The following BCL2L13 variants were observed in gnomAD, a reference collection of about 807,000 sequenced individuals.
BCL2L13 encodes the protein BCL2 like 13.
In BCL2L13, 13 loss-of-function variants were observed where a neutral mutation model predicts 25.8. That is an observed-to-expected ratio of 0.50 (90% CI 0.33 to 0.80). BCL2L13 has a LOEUF of 0.80. Ranked by LOEUF, BCL2L13 falls within the 30% of genes least tolerant of loss-of-function variation. The pLI is 0.02. For synonymous variants in BCL2L13, 244 were observed against 230.3 expected, an observed-to-expected ratio of 1.06 and a Z score of -0.54; for missense variants, 504 against 574.9, an observed-to-expected ratio of 0.88 and a Z score of 1.26.
upstream of BCL2L13, among the ~76,000 whole-genome samples, chr22:17,636,994 C>T (rs951033752): frequency 2.0e-5 from 3 of 152,114 alleles, no homozygotes; most frequent in African/African-American, 7.2e-5. Flanking sequence ...AAATTAGGGC[C>T]GGGCGCGGTG....
At chr22:17,665,183 T>C (rs1409170820) in intron 2 of BCL2L13, among the ~76,000 whole-genome samples, 1 of 152,174 alleles carries the variant, frequency 6.6e-6, no homozygotes, top group African/African-American at 2.4e-5. Flanking sequence ...ATCATCTGTC[T>C]CAGGTTTAAA....
At chr22:17,698,468 C>A (rs1188772173) in intron 5 of BCL2L13, among the ~76,000 whole-genome samples, 1 of 150,314 alleles carries the variant, frequency 6.7e-6, no homozygotes, top group Non-Finnish European at 1.5e-5. Flanking sequence ...CACCTGTAAT[C>A]CCAGCACTTT....
intron 5 of BCL2L13, among the ~76,000 whole-genome samples, chr22:17,699,763 A>G (rs1218663828): frequency 6.6e-6 from 1 of 152,168 alleles, no homozygotes; most frequent in East Asian, 1.9e-4. Flanking sequence ...GTGGGAGATG[A>G]GAGTCCAAAA....
At chr22:17,692,952 G>A (rs1208804428) in intron 4 of BCL2L13, among the ~76,000 whole-genome samples, 2 of 151,982 alleles carry the variant, frequency 1.3e-5, no homozygotes, top group South Asian at 2.1e-4. Flanking sequence ...GAAATCTAGT[G>A]TGTATATTAT....
At position 17,667,648 on chromosome 22, in the gene BCL2L13, A is replaced by T. The variant is rs750481423; in HGVS notation, c.121+11816A>T. Among the ~76,000 whole-genome samples the T allele has an allele frequency of 5.4e-4, 82 of 152,044 alleles. 1 individual carries two copies. The highest frequency in any genetic ancestry group is 9.7e-4 in the Non-Finnish European group (66 of 67,992). ...CCCCACCTCCTGAGTAGCCGGGATT[A>T]TGGGTGTCTGCCACCATACCTGGCT... On this transcript the variant is annotated intron_variant, in intron 2 of 6. Transcript: ENST00000317582.
chr22:17,668,377 T>C (rs1018004616), intron 2 of BCL2L13, among the ~76,000 whole-genome samples: 1 of 152,020 alleles, frequency 6.6e-6, no homozygotes, highest in African/African-American at 2.4e-5. Flanking sequence ...TAATACAAGG[T>C]CATGTACATT....
intron 1 of BCL2L13, among the ~76,000 whole-genome samples, chr22:17,630,563 C>T (rs2057990495): frequency 6.6e-6 from 1 of 151,282 alleles, no homozygotes. Flanking sequence ...CAGGTGTGAG[C>T]CACTGCACCC....
intron 2 of BCL2L13, among the ~76,000 whole-genome samples, chr22:17,675,187 G>GT (rs1187158377): frequency 2.6e-5 from 4 of 152,130 alleles, no homozygotes; most frequent in African/African-American, 7.2e-5. Flanking sequence ...TTGGAAAATA[G>GT]TTTTTTAAAA....
rs529924709 is a variant in BCL2L13, at chr22:17,657,948, G to A, written c.121+2116G>A. ...AGCAATTCTTCTGCTTCAGCCTCCC[G>A]AGTAGCTGGGATTACAGGCGCATGC... is the stretch of plus-strand genomic sequence containing the variant. On this transcript the variant is annotated intron_variant, in intron 2 of 6. Transcript: ENST00000317582. Among the ~76,000 whole-genome samples the A allele has an allele frequency of 7.7e-5, 11 of 143,406 alleles. No homozygotes were observed. In the East Asian group the frequency reaches 1.4e-3, roughly 18 times the overall value. 94.1% of individuals were successfully genotyped at this position (143,406 alleles called of 152,430 possible). A position where few individuals can be genotyped will look rare whatever the true frequency, so the allele number is the denominator to read the frequency against.
At chr22:17,689,212 G>T (rs2060033274) in intron 4 of BCL2L13, 70 bp downstream of exon 4, 1 of 1,410,974 alleles carries the variant, frequency 7.1e-7, no homozygotes. Context: ...GCACTGGATT[G>T]GTTAGGGCTG....
intron 2 of BCL2L13, among the ~76,000 whole-genome samples, chr22:17,657,866 C>T (rs1233962499): frequency 1.7e-5 from 2 of 116,864 alleles, no homozygotes; most frequent in Admixed American, 1.2e-4. Context: ...TGTTCTGTCA[C>T]CAGGCTGGAG....
At chr22:17,647,350 C>T (rs759008095) in intron 1 of BCL2L13, among the ~76,000 whole-genome samples, 13 of 151,932 alleles carry the variant, frequency 8.6e-5, no homozygotes, top group Non-Finnish European at 1.8e-4. Context: ...CCTCGTGATC[C>T]GCCTGCCTTG....
At chr22:17,693,372 G>T (rs989862778) in intron 4 of BCL2L13, among the ~76,000 whole-genome samples, 3,755 of 70,438 alleles carry the variant, frequency 0.053, 212 homozygotes, top group African/African-American at 0.11. Flanking sequence ...TTTAGTGTTT[G>T]TTTTTTTTTT....
chr22:17,674,129 C>A (rs151265239), intron 2 of BCL2L13, among the ~76,000 whole-genome samples: 4 of 152,188 alleles, frequency 2.6e-5, no homozygotes, highest in Non-Finnish European at 5.9e-5. Context: ...GTGACACAGA[C>A]TAAATGTATA....
intron 2 of BCL2L13, among the ~76,000 whole-genome samples, chr22:17,661,134 C>T (rs1037206671): frequency 5.0e-5 from 7 of 141,024 alleles, no homozygotes; most frequent in Admixed American, 1.4e-4. Context: ...ATTTTGTCAC[C>T]CAGGTTAGAG....
intron 5 of BCL2L13, among the ~76,000 whole-genome samples, chr22:17,700,614 AC>A (rs2060405073): frequency 6.6e-6 from 1 of 152,180 alleles, no homozygotes; most frequent in African/African-American, 2.4e-5. Flanking sequence ...ACCTGCTTCT[AC>A]CCGAGGCAAA....
upstream of BCL2L13, among the ~76,000 whole-genome samples, chr22:17,635,569 CT>C (rs550675155): frequency 5.6e-4 from 85 of 152,136 alleles, no homozygotes; most frequent in East Asian, 0.01. Flanking sequence ...TTCCATTGAC[CT>C]GTATGTCTAG....
At chr22:17,661,018 A>G (rs543306315) in intron 2 of BCL2L13, among the ~76,000 whole-genome samples, 1 of 145,188 alleles carries the variant, frequency 6.9e-6, no homozygotes, top group Non-Finnish European at 1.6e-5. Context: ...AGCTCAGGCA[A>G]TCTGCCTGCT....
At chr22:17,658,237 A>T (rs911266164) in intron 2 of BCL2L13, among the ~76,000 whole-genome samples, 11 of 152,082 alleles carry the variant, frequency 7.2e-5, no homozygotes, top group African/African-American at 2.7e-4. Context: ...CTGTTTTTTA[A>T]TTTTCAACAA....
Sources: allele counts gnomAD v4.1 joint callset (sites outside exome capture counted in the v4.1 genomes callset), GRCh38; gene constraint gnomAD v4.1.1; transcripts MANE v1.5; gene names NCBI Gene and HGNC (gene_info 2026-07-23, HGNC 2026-07-21).